The following ATP13A4 variants were observed in gnomAD, a reference collection of about 807,000 sequenced individuals.
ATP13A4 encodes the protein ATPase 13A4.
Under a neutral mutation model 142.5 loss-of-function variants are expected in ATP13A4, and 114 were observed. That is an observed-to-expected ratio of 0.80 (90% CI 0.69 to 0.93). ATP13A4 has a LOEUF of 0.93. ATP13A4 is among the 40% of genes least tolerant of loss of function. The pLI, the probability that ATP13A4 is intolerant of heterozygous loss-of-function variation, is 0.00. For synonymous variants in ATP13A4, 488 were observed against 514.8 expected (o/e 0.95, Z 0.70); for missense variants, 1,392 against 1,454.0 (o/e 0.96, Z 0.69).
chr3:193,490,783 T>C (rs990565870), intron 6 of ATP13A4, among the ~76,000 whole-genome samples: 6 of 151,654 alleles, frequency 4.0e-5, no homozygotes, highest in African/African-American at 1.5e-4. Context: ...CAAGGAGGAG[T>C]CGAGAGAGAG....
chr3:193,480,941 A>T, intron 8 of ATP13A4, among the ~76,000 whole-genome samples: 1 of 152,180 alleles, frequency 6.6e-6, no homozygotes, highest in Non-Finnish European at 1.5e-5. Context: ...GGAATACCAT[A>T]CAGACATAAA....
chr3:193,561,626 T>A (rs998569671), intron 2 of ATP13A4, among the ~76,000 whole-genome samples: 1 of 152,078 alleles, frequency 6.6e-6, no homozygotes, highest in Non-Finnish European at 1.5e-5. Context: ...AGGAAAGTAA[T>A]AAGATAGAAC....
In ATP13A4 at chr3:193,400,290, C is replaced by T. The variant is rs1714222066; in HGVS notation, c.*2362G>A. Reference sequence around the variant, plus strand: ...GTCTCTTTTCCCAAAGATTTTATGGCTGCTTGACTAGTGGAGGACTAGATT... The same window carrying T: ...GTCTCTTTTCCCAAAGATTTTATGGTTGCTTGACTAGTGGAGGACTAGATT... On this transcript the variant is annotated 3_prime_UTR_variant, in exon 30 of 30. Transcript: ENST00000342695. 6.6e-6 allele frequency among the ~76,000 whole-genome samples: 1 copy of T among 152,244 alleles called. No homozygotes were observed. Among genetic ancestry groups the T allele is most frequent in the African/African-American group, 2.4e-5 (1 of 41,462 alleles).
At chr3:193,418,077 C>A (rs1253671841) in intron 25 of ATP13A4, among the ~76,000 whole-genome samples, 8 of 103,918 alleles carry the variant, frequency 7.7e-5, no homozygotes, top group Admixed American at 2.9e-4. Context: ...AGCCGAGATC[C>A]CGCCACTGCA....
chr3:193,521,028 A>C (rs1361800714), intron 1 of ATP13A4, among the ~76,000 whole-genome samples: 1 of 152,252 alleles, frequency 6.6e-6, no homozygotes, highest in East Asian at 1.9e-4. Context: ...CCCAGATGTC[A>C]GGCTCAAGAA....
chr3:193,547,849 CA>C (rs1005749739), intron 1 of ATP13A4, among the ~76,000 whole-genome samples: 2 of 152,144 alleles, frequency 1.3e-5, no homozygotes, highest in African/African-American at 4.8e-5. Context: ...GAACAAGGGA[CA>C]CCTCGTTTTC....
At position 193,467,400 on chromosome 3, in the gene ATP13A4, G is replaced by A. The variant is rs369934900; in HGVS notation, c.1030C>T (p.Arg344Trp). The change falls in exon 10 of 30, where the codon CGG becomes TGG. Residue 344 changes from arginine to tryptophan, a missense_variant. By Grantham distance (101) the Arg-to-Trp change is moderately radical. Coordinates refer to ENST00000342695, the MANE Select transcript of ATP13A4 (RefSeq NM_032279.4). Reference sequence around the variant, plus strand: ...TCTGTTCCACAGAAGAGGACATGCCGCTTGTAATCCGCTTCACTCTGTGTT... The same window carrying A: ...TCTGTTCCACAGAAGAGGACATGCCACTTGTAATCCGCTTCACTCTGTGTT... ...WKTQSEADYK[R>W]HVLFCGTEVI... 312 of 1,614,012 alleles carry A rather than the reference G, an allele frequency of 1.9e-4. 1 individual carries two copies. The African/African-American group carries it at 2.0e-3, about 10-fold the overall frequency.
At chr3:193,521,999 C>T (rs552811373) in intron 1 of ATP13A4, among the ~76,000 whole-genome samples, 18 of 152,156 alleles carry the variant, frequency 1.2e-4, no homozygotes, top group African/African-American at 3.4e-4. Flanking sequence ...TCCCCCTCCA[C>T]AGTCAGCAGG....
At chr3:193,508,028 A>G (rs990153407) in intron 2 of ATP13A4, among the ~76,000 whole-genome samples, 1 of 152,198 alleles carries the variant, frequency 6.6e-6, no homozygotes, top group South Asian at 2.1e-4. Context: ...AAGGGTACAC[A>G]CTAATCCAAA....
chr3:193,555,963 T>C (rs1484630324), upstream of ATP13A4, among the ~76,000 whole-genome samples: 1 of 152,176 alleles, frequency 6.6e-6, no homozygotes, highest in Non-Finnish European at 1.5e-5. Context: ...TGAAAGTACA[T>C]TGTACAGCAC....
intron 2 of ATP13A4, among the ~76,000 whole-genome samples, chr3:193,580,887 A>G (rs1464353854): frequency 6.6e-6 from 1 of 152,208 alleles, no homozygotes; most frequent in African/African-American, 2.4e-5. Flanking sequence ...AGTGAAGAAA[A>G]GCAGTGTTGT....
chr3:193,488,017 A>G (rs1330435337), intron 7 of ATP13A4, among the ~76,000 whole-genome samples: 1 of 152,196 alleles, frequency 6.6e-6, no homozygotes, highest in African/African-American at 2.4e-5. Context: ...TAATCCCAGC[A>G]CTTTGGGAGG....
chr3:193,485,052 C>G (rs1376288857), intron 7 of ATP13A4, among the ~76,000 whole-genome samples: 1 of 151,702 alleles, frequency 6.6e-6, no homozygotes, highest in African/African-American at 2.4e-5. Flanking sequence ...GGTGACATAT[C>G]GAAATGTTCT....
intron 29 of ATP13A4, 136 bp from the exon 30 acceptor site, chr3:193,403,000 A>G (rs560397901): frequency 1.6e-5 from 13 of 795,610 alleles, no homozygotes; most frequent in Admixed American, 1.3e-4. Flanking sequence ...CACTGGACCA[A>G]TCTAAGGTGG....
chr3:193,438,440 G>A, intron 23 of ATP13A4, 35 bp downstream of exon 23: 1 of 1,498,572 alleles, frequency 6.7e-7, no homozygotes, highest in Non-Finnish European at 9.3e-7. Context: ...GAAGTCAAGA[G>A]AGAGAAAACA....
At chr3:193,555,313 C>T (rs1025842399), upstream of ATP13A4, among the ~76,000 whole-genome samples, 2 of 152,210 alleles carry the variant, frequency 1.3e-5, no homozygotes, top group Non-Finnish European at 2.9e-5. Flanking sequence ...ATGAAAGCTT[C>T]AATCCACAGG....
intron 26 of ATP13A4, among the ~76,000 whole-genome samples, chr3:193,412,617 GAGAGAGAGAGAC>G (rs1714832293): frequency 6.6e-6 from 1 of 152,018 alleles, no homozygotes; most frequent in African/African-American, 2.4e-5. Context: ...CATTGAGAGA[GAGAGAGAGAGAC>G]AGAGAGAGAG....
At chr3:193,422,578 C>T (rs1267929041) in intron 25 of ATP13A4, among the ~76,000 whole-genome samples, 1 of 149,362 alleles carries the variant, frequency 6.7e-6, no homozygotes, top group Non-Finnish European at 1.5e-5. Flanking sequence ...ACAGGAGGAC[C>T]TTCAGAAACT....
At chr3:193,439,158 T>A (rs1716475811) in intron 21 of ATP13A4, 93 bp from the exon 22 acceptor site, 2 of 1,293,218 alleles carry the variant, frequency 1.5e-6, no homozygotes, top group South Asian at 2.4e-5. Flanking sequence ...TTACTTAGGG[T>A]TCAAACTCAT....
Sources: gnomAD v4.1 joint callset for allele counts (sites outside exome capture counted in the v4.1 genomes callset) on GRCh38, gnomAD v4.1.1 for gene constraint, MANE v1.5 for transcripts, NCBI Gene and HGNC (gene_info 2026-07-23, HGNC 2026-07-21) for gene names.